The following LARP1B variants were observed in gnomAD, a reference collection of about 807,000 sequenced individuals.
LARP1B encodes the protein la-related protein 1B.
Under a neutral mutation model 114.2 loss-of-function variants are expected in LARP1B, and 76 were observed. The ratio of observed to expected loss-of-function variants is 0.67; its 90% CI spans 0.55 to 0.81. The LOEUF (loss-of-function observed/expected upper bound fraction) is 0.81. Among genes scored for constraint, LARP1B ranks in the 30% least tolerant of loss-of-function variants. The probability of loss-of-function intolerance (pLI) is 0.00; values close to 1 mark genes in which losing one functional copy is unlikely to be tolerated. For synonymous variants in LARP1B, 345 were observed against 348.0 expected, an observed-to-expected ratio of 0.99 and a Z score of 0.10; for missense variants, 1,014 against 1,075.8, an observed-to-expected ratio of 0.94 and a Z score of 0.80.
Position 128,107,266 on chromosome 4 carries a change from T to C in LARP1B, c.941T>C (p.Ile314Thr), listed in dbSNP as rs1462960383. 7 of 1,614,070 alleles carry C rather than the reference T, an allele frequency of 4.3e-6. No homozygotes were observed. In the Admixed American group the frequency reaches 6.7e-5, roughly 15 times the overall value. ...SVPPTDFSQL[I>T]DCPEFVPGQA... is the part of the protein sequence containing the mutation. ...CCACCAACAGACTTCTCTCAACTGATTGATTGTCCAGAGTTTGTACCAGGC... is the reference window on the plus strand; with the variant it reads ...CCACCAACAGACTTCTCTCAACTGACTGATTGTCCAGAGTTTGTACCAGGC... Residue 314 changes from isoleucine to threonine, a missense_variant, in exon 9 of 20, where the codon ATT (isoleucine) becomes ACT (threonine). Transcript: ENST00000326639.
chr4:128,098,362 T>G, intron 8 of LARP1B, 32 bp downstream of exon 8: 2 of 1,565,024 alleles, frequency 1.3e-6, no homozygotes, highest in Middle Eastern at 1.7e-4. Context: ...AATTTGTACT[T>G]TCTGCTCAAA....
intron 5 of LARP1B, among the ~76,000 whole-genome samples, chr4:128,089,502 AT>A (rs1437961723): frequency 1.3e-5 from 2 of 151,552 alleles, no homozygotes; most frequent in African/African-American, 4.9e-5. Flanking sequence ...TGTCTGGCTA[AT>A]TTTTGTATTT....
At chr4:128,073,587 T>TGTTTTG (rs1561056836) in intron 1 of LARP1B, among the ~76,000 whole-genome samples, 9 of 29,678 alleles carry the variant, frequency 3.0e-4, no homozygotes, top group South Asian at 1.5e-3. Context: ...TTTTTTTTTT[T>TGTTTTG]TTTTTTTTTT....
intron 11 of LARP1B, among the ~76,000 whole-genome samples, chr4:128,141,133 C>T (rs534238602): frequency 1.3e-4 from 20 of 151,976 alleles, no homozygotes; most frequent in Non-Finnish European, 2.5e-4. Context: ...TGCTTTTTTG[C>T]GTCCAGCTAT....
chr4:128,069,300 C>T, intron 1 of LARP1B: 1 of 850,450 alleles, frequency 1.2e-6, no homozygotes, highest in East Asian at 2.4e-5. Context: ...TAGAGCCCCA[C>T]AGTGGCATCC....
chr4:128,201,136 C>T (rs868369068), intron 17 of LARP1B, among the ~76,000 whole-genome samples: 1 of 152,172 alleles, frequency 6.6e-6, no homozygotes, highest in East Asian at 1.9e-4. Context: ...CGGTTTCACC[C>T]TGAATGAGTA....
rs556929613 is a variant in LARP1B at position 128,069,325 on chromosome 4, C to T, written c.-77-5135C>T. The T allele has an allele frequency of 3.3e-4, 266 of 794,960 alleles. 1 individual carries two copies. Among genetic ancestry groups the T allele is most frequent in the South Asian group, 1.9e-3 (146 of 75,136 alleles). 49.2% of individuals were successfully genotyped at this position (794,960 alleles called of 1,614,324 possible). ...CAGTGGCATCCAGCTTGCCGCTTTG[C>T]AATGGACTGAAGACTTTGAGCAAAC... On this transcript the variant is annotated intron_variant, in intron 1 of 19. Transcript: ENST00000326639.
Position 128,178,626 on chromosome 4 carries a change from A to T in LARP1B, c.1880A>T (p.Lys627Ile). Reference sequence around the variant, plus strand: ...TTTTATCCTGTTGTTAAAGAACCAAAAGCCATTGATGTAAAGGTATACAAA... The same window carrying T: ...TTTTATCCTGTTGTTAAAGAACCAATAGCCATTGATGTAAAGGTATACAAA... ...PRFYPVVKEP[K>I]AIDVKSPRKR... Residue 627 changes from lysine to isoleucine, a missense_variant, in exon 14 of 20, where the codon AAA becomes ATA. Physicochemically the swap from Lys to Ile is moderately radical, Grantham distance 102. Transcript: ENST00000326639. 6.2e-7 allele frequency: 1 copy of T among 1,613,492 alleles called. No homozygotes were observed. Among genetic ancestry groups the T allele is most frequent in the East Asian group, 2.2e-5 (1 of 44,852 alleles).
chr4:128,199,756 A>G (rs1322290690), intron 16 of LARP1B, among the ~76,000 whole-genome samples, 157 bp downstream of exon 16: 2 of 152,210 alleles, frequency 1.3e-5, no homozygotes, highest in Admixed American at 6.5e-5. Context: ...TTCTTTATTC[A>G]TGTACTTTAT....
At chr4:128,081,651 T>C (rs934587917) in intron 4 of LARP1B, among the ~76,000 whole-genome samples, 1 of 152,022 alleles carries the variant, frequency 6.6e-6, no homozygotes, top group East Asian at 1.9e-4. Context: ...CTTTACAAGG[T>C]TTTTTCCTAG....
intron 1 of LARP1B, among the ~76,000 whole-genome samples, chr4:128,062,923 T>C (rs551937990): frequency 6.6e-6 from 1 of 152,164 alleles, no homozygotes; most frequent in East Asian, 1.9e-4. Flanking sequence ...TTAAAAAAAA[T>C]AAAGTGCTTT....
At chr4:128,084,228 C>T (rs1043833627) in intron 5 of LARP1B, among the ~76,000 whole-genome samples, 18 of 152,128 alleles carry the variant, frequency 1.2e-4, no homozygotes, top group African/African-American at 3.6e-4. Flanking sequence ...GGGTGGCGGC[C>T]GGGCAGAGGC....
chr4:128,094,874 C>G (rs1437637495), intron 7 of LARP1B, among the ~76,000 whole-genome samples: 1 of 152,074 alleles, frequency 6.6e-6, no homozygotes, highest in Non-Finnish European at 1.5e-5. Flanking sequence ...GCCTCAGCCT[C>G]CCCAGTAGCT....
At chr4:128,194,315 G>C (rs1753282564) in intron 15 of LARP1B, among the ~76,000 whole-genome samples, 2 of 152,026 alleles carry the variant, frequency 1.3e-5, no homozygotes, top group Admixed American at 6.5e-5. Flanking sequence ...CAGGTGATCC[G>C]CCCACCTCGG....
intron 1 of LARP1B, among the ~76,000 whole-genome samples, chr4:128,071,029 A>AT (rs537647222): frequency 2.0e-5 from 3 of 151,904 alleles, no homozygotes; most frequent in African/African-American, 2.4e-5. Flanking sequence ...TTATTTATTT[A>AT]TTTTTTAATG....
At chr4:128,110,723 T>C (rs937253106) in intron 9 of LARP1B, among the ~76,000 whole-genome samples, 2 of 144,032 alleles carry the variant, frequency 1.4e-5, no homozygotes, top group Admixed American at 1.4e-4. Flanking sequence ...AGCATATATG[T>C]AAATTAATTA....
intron 11 of LARP1B, among the ~76,000 whole-genome samples, chr4:128,138,011 C>T (rs367585490): frequency 2.0e-5 from 3 of 151,988 alleles, no homozygotes; most frequent in South Asian, 4.1e-4. Flanking sequence ...GCATAATCTT[C>T]TCTTCTGGGG....
intron 10 of LARP1B, among the ~76,000 whole-genome samples, chr4:128,115,755 G>T (rs1008767728): frequency 6.6e-6 from 1 of 152,068 alleles, no homozygotes; most frequent in Admixed American, 6.6e-5. Context: ...TGCTGGGTTC[G>T]AGAGAGTCTT....
chr4:128,170,872 C>CTTTTTTTTTTTTTTTTTTTTTTTTTTTTT (rs70966085), intron 12 of LARP1B, among the ~76,000 whole-genome samples: 13 of 95,014 alleles, frequency 1.4e-4, no homozygotes, highest in East Asian at 3.2e-4. Context: ...TTTTTCTTTT[C>CTTTTTTTTTTTTTTTTTTTTTTTTTTTTT]TTTTTTTTTT....
Sources: allele counts gnomAD v4.1 joint callset (sites outside exome capture counted in the v4.1 genomes callset), GRCh38; gene constraint gnomAD v4.1.1; transcripts MANE v1.5; gene names NCBI Gene and HGNC (gene_info 2026-07-23, HGNC 2026-07-21).